The following CCDC190 variants were observed in gnomAD, a reference collection of about 807,000 sequenced individuals.
CCDC190 encodes coiled-coil domain-containing protein 190.
In CCDC190, 10 loss-of-function variants were observed where a neutral mutation model predicts 13.1. The observed-to-expected ratio is 0.77, with a 90% CI of 0.47 to 1.30. The LOEUF (loss-of-function observed/expected upper bound fraction) is 1.30, where lower values mean the gene tolerates loss of function less well. Ranked by LOEUF, CCDC190 falls within the 50% of genes most tolerant of loss-of-function variation. The probability of loss-of-function intolerance (pLI) is 0.00; values close to 1 mark genes in which losing one functional copy is unlikely to be tolerated. For missense variants in CCDC190, 375 were observed against 354.3 expected, an observed-to-expected ratio of 1.06 and a Z score of -0.47; for synonymous variants, 136 against 127.2, an observed-to-expected ratio of 1.07 and a Z score of -0.47.
At chr1:162,863,326 G>C (rs949677196), upstream of CCDC190, among the ~76,000 whole-genome samples, 4 of 152,134 alleles carry the variant, frequency 2.6e-5, no homozygotes, top group Non-Finnish European at 5.9e-5. Context: ...TAGGTTAAAA[G>C]TATCTTTATC....
intron 1 of CCDC190, among the ~76,000 whole-genome samples, chr1:162,866,224 G>A (rs536174332): frequency 8.5e-5 from 13 of 152,278 alleles, no homozygotes; most frequent in African/African-American, 3.1e-4. Flanking sequence ...ACTTTGGGAA[G>A]CTGAGGCAAG....
chr1:162,853,261 A>G lies in CCDC190; in HGVS notation c.*1504T>C, dbSNP rs1443237803. On this transcript the variant is annotated 3_prime_UTR_variant, in exon 4 of 4. Coordinates refer to ENST00000367912, the MANE Select transcript of CCDC190 (RefSeq NM_001394065.1). ...AGCATGAGCAAGGAAATTGAGTAGA[A>G]GAGAGATCAAATGCTAGTCTGCCAT... The G allele has an allele frequency of 2.3e-6, 2 of 878,276 alleles. No homozygotes were observed. The highest frequency in any genetic ancestry group is 3.1e-5 in the Admixed American group (1 of 31,890). The allele number at this position is 878,276 out of a possible 1,614,324, so 54.4% of individuals were successfully genotyped here.
chr1:162,854,515 TA>T lies in CCDC190; in HGVS notation c.*249del. On this transcript the variant is annotated 3_prime_UTR_variant, in exon 4 of 4. Coordinates refer to ENST00000367912, the MANE Select transcript of CCDC190 (RefSeq NM_001394065.1). Reference sequence around the variant, plus strand: ...AAGTCCAGTCATCAATATATATTCATATTTTTGATGACATCATAAACATATC... The same window carrying T: ...AAGTCCAGTCATCAATATATATTCATTTTTTGATGACATCATAAACATATC... 1.6e-6 allele frequency: 2 copies of T among 1,243,944 alleles called. No homozygotes were observed. Among genetic ancestry groups the T allele is most frequent in the Non-Finnish European group, 2.0e-6 (2 of 991,796 alleles). 77.1% of individuals were successfully genotyped at this position (1,243,944 alleles called of 1,614,324 possible). A position where few individuals can be genotyped will look rare whatever the true frequency, so the allele number is the denominator to read the frequency against.
Position 162,859,524 on chromosome 1 carries a change from G to A in CCDC190, c.123C>T (p.Tyr41=), listed in dbSNP as rs1260085778. The part of the protein sequence containing the change: ...RLQRLKVICL[Y]HVKLLTWEQR... ...GCTCCCAGGTCAGCAATTTCACATG[G>A]TAGAGGCAAATAACCTTTAGTCTCT... The change falls in exon 2 of 4, where the codon TAC becomes TAT. Residue 41 remains tyrosine, a synonymous_variant. Transcript: ENST00000367912. 1.2e-6 allele frequency: 2 copies of A among 1,613,780 alleles called. No homozygotes were observed. Among genetic ancestry groups the A allele is most frequent in the East Asian group, 2.2e-5 (1 of 44,870 alleles).
chr1:162,855,721 C>T lies in CCDC190; in HGVS notation c.222G>A (p.Gly74=). ...TMKKKFSSYL[G]NGFQKRPEDV... is the part of the protein sequence containing the mutation. The stretch of plus-strand genomic sequence containing the variant: ...CTTCTGGTCTCTTCTGAAATCCATT[C>T]CCCAAATAAGAGGAGAACTTTTTCT... Residue 74 remains glycine, a synonymous_variant, in exon 3 of 4, where the codon GGG becomes GGA. Coordinates refer to ENST00000367912, the MANE Select transcript of CCDC190 (RefSeq NM_001394065.1). 1 of 1,612,026 alleles carries T rather than the reference C, an allele frequency of 6.2e-7. No homozygotes were observed. The highest frequency in any genetic ancestry group is 1.7e-5 in the Admixed American group (1 of 59,738).
At chr1:162,866,889 T>A (rs1650726517) in intron 1 of CCDC190, among the ~76,000 whole-genome samples, 1 of 152,112 alleles carries the variant, frequency 6.6e-6, no homozygotes, top group African/African-American at 2.4e-5. Flanking sequence ...TGGGTATCTA[T>A]GTGGAAAAGA....
upstream of CCDC190, among the ~76,000 whole-genome samples, chr1:162,861,257 G>T (rs74120118): frequency 0.015 from 2,239 of 152,258 alleles, 50 homozygotes; most frequent in African/African-American, 0.052. Flanking sequence ...ATCCCTGCTG[G>T]AGAGGCCAGA....
chr1:162,863,648 T>G (rs918155194), upstream of CCDC190, among the ~76,000 whole-genome samples: 3 of 152,154 alleles, frequency 2.0e-5, no homozygotes, highest in African/African-American at 7.2e-5. Context: ...AGGCAGGGGT[T>G]CCTGACTTGA....
chr1:162,859,550 G>T lies in CCDC190; in HGVS notation c.97C>A (p.Gln33Lys). Residue 33 changes from glutamine (Q) to lysine (K), a missense_variant, in exon 2 of 4, where the codon CAG (glutamine) becomes AAG (lysine). Transcript: ENST00000367912. ...QAEARLDQRL[Q>K]RLKVICLYHV... ...TAGAGGCAAATAACCTTTAGTCTCT[G>T]CAGTCTTTGGTCCAGTCTGGCTTCA... 6.2e-7 allele frequency: 1 copy of T among 1,613,854 alleles called. No homozygotes were observed. The highest frequency in any genetic ancestry group is 8.5e-7 in the Non-Finnish European group (1 of 1,179,840).
In CCDC190 at chr1:162,854,359, T is replaced by C; in HGVS notation, c.*406A>G. 1 of 1,000,828 alleles carries C rather than the reference T, an allele frequency of 1.0e-6. No homozygotes were observed. The highest frequency in any genetic ancestry group is 1.2e-6 in the Non-Finnish European group (1 of 838,662). 62.0% of individuals were successfully genotyped at this position (1,000,828 alleles called of 1,614,324 possible). On this transcript the variant is annotated 3_prime_UTR_variant, in exon 4 of 4. Coordinates refer to ENST00000367912, the MANE Select transcript of CCDC190 (RefSeq NM_001394065.1). ...CAGTACCTATTTACAATCACATTCC[T>C]ATTCCTACCACTACTATATATCAAA...
rs1650142161 is a variant in CCDC190, at chr1:162,852,490, T to C, written c.*2275A>G. 6.6e-6 allele frequency: 1 copy of C among 152,488 alleles called. No individual in the cohort carries two copies. The highest frequency in any genetic ancestry group is 1.9e-4 in the East Asian group (1 of 5,196). The allele number at this position is 152,488 out of a possible 1,614,324, so 9.4% of individuals were successfully genotyped here. A position where few individuals can be genotyped will look rare whatever the true frequency, so the allele number is the denominator to read the frequency against. ...TGTACTAATCAGAGTATTACATCCA[T>C]TGTATCGAAGAAGGCAAATGTATTA... On this transcript the variant is annotated 3_prime_UTR_variant, in exon 4 of 4. Transcript: ENST00000367912.
Position 162,854,666 on chromosome 1 carries a change from T to A in CCDC190, c.*99A>T. 6.9e-7 allele frequency: 1 copy of A among 1,455,898 alleles called. No homozygotes were observed. The highest frequency in any genetic ancestry group is 9.0e-7 in the Non-Finnish European group (1 of 1,105,784). 90.2% of individuals were successfully genotyped at this position (1,455,898 alleles called of 1,614,324 possible). On this transcript the variant is annotated 3_prime_UTR_variant, in exon 4 of 4. Transcript: ENST00000367912. ...TTAAAATAAAATTGTAATTCAATTATGTTTGTTTGTTTTTCTCTGTATTGC... is the reference window on the plus strand; with the variant it reads ...TTAAAATAAAATTGTAATTCAATTAAGTTTGTTTGTTTTTCTCTGTATTGC...
In CCDC190 at chr1:162,853,701, C is replaced by T. The variant is rs367896702; in HGVS notation, c.*1064G>A. On this transcript the variant is annotated 3_prime_UTR_variant, in exon 4 of 4. Coordinates refer to ENST00000367912, the MANE Select transcript of CCDC190 (RefSeq NM_001394065.1). Reference sequence around the variant, plus strand: ...TGATGCCAGAGATGAAATAGGCCCTCAAGTTTATTCTTCTGGAATTAAAGT... The same window carrying T: ...TGATGCCAGAGATGAAATAGGCCCTTAAGTTTATTCTTCTGGAATTAAAGT... Among the ~76,000 whole-genome samples the T allele has an allele frequency of 4.0e-4, 61 of 152,236 alleles. No homozygotes were observed. The highest frequency in any genetic ancestry group is 1.4e-3 in the African/African-American group (60 of 41,532).
At chr1:162,855,529 TAAGAAGTGGAACGGAGCA>T in intron 3 of CCDC190, 85 bp downstream of exon 3, 1 of 1,527,202 alleles carries the variant, frequency 6.5e-7, no homozygotes, top group Non-Finnish European at 8.8e-7. Flanking sequence ...ATGTCTCACT[TAAGAAGTGGAACGGAGCA>T]TTTCTTCAGG....
Position 162,853,733 on chromosome 1 carries a change from T to C in CCDC190, c.*1032A>G, listed in dbSNP as rs1650189592. 6.6e-6 allele frequency among the ~76,000 whole-genome samples: 1 copy of C among 152,188 alleles called. No individual in the cohort carries two copies. Among genetic ancestry groups the C allele is most frequent in the South Asian group, 2.1e-4 (1 of 4,832 alleles). On this transcript the variant is annotated 3_prime_UTR_variant, in exon 4 of 4. Coordinates refer to ENST00000367912, the MANE Select transcript of CCDC190 (RefSeq NM_001394065.1). The stretch of plus-strand genomic sequence containing the variant: ...ATTCTTCTGGAATTAAAGTTTGTTA[T>C]TGGGCTGAAGATTTGAATTTACCCA...
rs1403770214 is a variant in CCDC190, at chr1:162,854,602, A to G, written c.*163T>C. ...CCTTTTTCATATATTAGCATTGTTC[A>G]TTCAAGAAATATTATATTCCCGGAA... On this transcript the variant is annotated 3_prime_UTR_variant, in exon 4 of 4. Transcript: ENST00000367912. 1.1e-5 allele frequency: 16 copies of G among 1,398,650 alleles called. No homozygotes were observed. In the Admixed American group the frequency reaches 4.8e-4, roughly 42 times the overall value. The allele number at this position is 1,398,650 out of a possible 1,614,324, so 86.6% of individuals were successfully genotyped here.
upstream of CCDC190, among the ~76,000 whole-genome samples, chr1:162,863,737 G>A (rs1650603707): frequency 6.6e-6 from 1 of 152,068 alleles, no homozygotes; most frequent in African/African-American, 2.4e-5. Flanking sequence ...GAAACTCAAT[G>A]AGGCCGGGCG....
chr1:162,856,199 A>G (rs1231078956), intron 2 of CCDC190, among the ~76,000 whole-genome samples: 1 of 152,214 alleles, frequency 6.6e-6, no homozygotes, highest in Non-Finnish European at 1.5e-5. Flanking sequence ...TAAGAAGAAG[A>G]AAAATAATTC....
At chr1:162,868,177 T>C (rs2102267777) in intron 1 of CCDC190, among the ~76,000 whole-genome samples, 1 of 152,322 alleles carries the variant, frequency 6.6e-6, no homozygotes, top group Non-Finnish European at 1.5e-5. Context: ...CTGCAGGATG[T>C]ATTTGAAGCA....
Sources: allele counts gnomAD v4.1 joint callset (sites outside exome capture counted in the v4.1 genomes callset), GRCh38; gene constraint gnomAD v4.1.1; transcripts MANE v1.5; gene names NCBI Gene and HGNC (gene_info 2026-07-23, HGNC 2026-07-21).